PLD5: variants seen among roughly 807,000 people sequenced by gnomAD.
The protein encoded by PLD5 is inactive phospholipase D5.
In PLD5, 36 loss-of-function variants were observed where a neutral mutation model predicts 61.1. The ratio of observed to expected loss-of-function variants is 0.59; its 90% CI spans 0.45 to 0.78. PLD5 has a LOEUF of 0.78. Among genes scored for constraint, PLD5 ranks in the 30% least tolerant of loss-of-function variants. The pLI, the probability that PLD5 is intolerant of heterozygous loss-of-function variation, is 0.00. For missense variants in PLD5, 515 were observed against 644.4 expected (o/e 0.80, Z 2.17); for synonymous variants, 243 against 242.8 (o/e 1.00, Z -0.01).
chr1:242,452,527 A>C (rs1666818811), intron 1 of PLD5, among the ~76,000 whole-genome samples: 1 of 152,134 alleles, frequency 6.6e-6, no homozygotes, highest in Non-Finnish European at 1.5e-5. Context: ...AAAAACGTGG[A>C]CATCCAGGCT....
chr1:242,377,025 A>G, intron 1 of PLD5: 2 of 1,611,712 alleles, frequency 1.2e-6, no homozygotes, highest in Admixed American at 3.3e-5. Flanking sequence ...TTTTGCGCAC[A>G]CTTTGCACTT....
At position 242,112,619 on chromosome 1, in the gene PLD5, CTT is replaced by C. The variant is rs528219354; in HGVS notation, c.1070+1269_1070+1270del. Reference sequence around the variant, plus strand: ...ATGATCATTTTCTGGGGGAAGGACTCTTTTTGTAATCCTATGGTTATTTGCGT... The same window carrying C: ...ATGATCATTTTCTGGGGGAAGGACTCTTTGTAATCCTATGGTTATTTGCGT... On this transcript the variant is annotated intron_variant, in intron 7 of 9. Coordinates refer to ENST00000536534, the MANE Select transcript of PLD5 (RefSeq NM_001372062.1). Among the ~76,000 whole-genome samples, 8 of 152,260 alleles carry C rather than the reference CTT, an allele frequency of 5.3e-5. No individual in the cohort carries two copies. In the East Asian group the frequency reaches 5.8e-4, roughly 11 times the overall value.
At chr1:242,348,804 T>C (rs141409797) in intron 1 of PLD5, among the ~76,000 whole-genome samples, 3,526 of 152,136 alleles carry the variant, frequency 0.023, 76 homozygotes, top group African/African-American at 0.059. Context: ...CCTGTAATCC[T>C]AGCACTTTGG....
At chr1:242,343,599 C>CT (rs1308534845) in intron 2 of PLD5, among the ~76,000 whole-genome samples, 1 of 151,188 alleles carries the variant, frequency 6.6e-6, no homozygotes, top group African/African-American at 2.4e-5. Flanking sequence ...GCCCTCACCT[C>CT]TTTTACCAGG....
Position 242,256,218 on chromosome 1 carries a change from G to A in PLD5, c.607+9119C>T, listed in dbSNP as rs74152307. 0.016 allele frequency among the ~76,000 whole-genome samples: 2,388 copies of A among 152,264 alleles called. 60 individuals are homozygous for A. The highest frequency in any genetic ancestry group is 0.052 in the African/African-American group (2,168 of 41,498). Reference sequence around the variant, plus strand: ...ATGCAGAGGGCTGAGCACTGTCACTGTGACCAAGAGTTCACCCCAAGAGCA... The same window carrying A: ...ATGCAGAGGGCTGAGCACTGTCACTATGACCAAGAGTTCACCCCAAGAGCA... On this transcript the variant is annotated intron_variant, in intron 4 of 9. Coordinates refer to ENST00000536534, the MANE Select transcript of PLD5 (RefSeq NM_001372062.1). The surrounding 1 kb of genome is among the most constrained non-coding windows in gnomAD (Gnocchi z 5.7).
At position 242,207,536 on chromosome 1, in the gene PLD5, C is replaced by T. The variant is rs377623955; in HGVS notation, c.735+12452G>A. ...AAGAAGCTGCTCACAGATCTTCCAA[C>T]ACCCCATGCTTCTTTCTGACTCTGT... On this transcript the variant is annotated intron_variant, in intron 5 of 9. Transcript: ENST00000536534. 4.6e-5 allele frequency among the ~76,000 whole-genome samples: 7 copies of T among 152,052 alleles called. No individual in the cohort carries two copies. The East Asian group carries it at 1.4e-3, about 30-fold the overall frequency.
At chr1:242,238,317 T>C (rs72763006) in intron 4 of PLD5, among the ~76,000 whole-genome samples, 16,648 of 152,208 alleles carry the variant, frequency 0.11, 1,155 homozygotes, top group Non-Finnish European at 0.16. Context: ...ATCTGTGGCA[T>C]GAAACACCTG....
intron 1 of PLD5, among the ~76,000 whole-genome samples, chr1:242,435,763 G>A (rs1014686638): frequency 1.3e-5 from 2 of 152,202 alleles, no homozygotes; most frequent in Non-Finnish European, 2.9e-5. Context: ...TTTATGGAAT[G>A]TAACTGCTAG....
At chr1:242,180,723 G>A (rs1667464954) in intron 5 of PLD5, among the ~76,000 whole-genome samples, 1 of 152,178 alleles carries the variant, frequency 6.6e-6, no homozygotes, top group Non-Finnish European at 1.5e-5. Context: ...GCTCATGCCT[G>A]TAATCCCAGC....
chr1:242,191,283 G>A (rs1033118644), intron 5 of PLD5, among the ~76,000 whole-genome samples: 3 of 152,068 alleles, frequency 2.0e-5, no homozygotes, highest in Non-Finnish European at 2.9e-5. Flanking sequence ...TTAAAAGAAG[G>A]TATTTAAAAG....
intron 4 of PLD5, among the ~76,000 whole-genome samples, chr1:242,236,598 AT>A (rs1671655831): frequency 6.6e-6 from 1 of 152,228 alleles, no homozygotes; most frequent in African/African-American, 2.4e-5. Flanking sequence ...TAAAATTTAA[AT>A]ACTATTAAGA....
intron 1 of PLD5, among the ~76,000 whole-genome samples, chr1:242,521,348 T>C (rs1278428570): frequency 5.3e-5 from 8 of 152,228 alleles, no homozygotes; most frequent in Non-Finnish European, 8.8e-5. Context: ...AAATAAATTA[T>C]TCTCACTTTT....
chr1:242,127,711 C>A (rs1270295623), intron 5 of PLD5, among the ~76,000 whole-genome samples: 1 of 152,114 alleles, frequency 6.6e-6, no homozygotes, highest in Non-Finnish European at 1.5e-5. Context: ...GTTCAATGTA[C>A]ACTGCTTGGG....
intron 1 of PLD5, among the ~76,000 whole-genome samples, chr1:242,390,020 A>AATT (rs67155503): frequency 6.8e-6 from 1 of 147,108 alleles, no homozygotes. Flanking sequence ...TAATAATAAT[A>AATT]ATTATTATTA....
intron 1 of PLD5, among the ~76,000 whole-genome samples, chr1:242,375,553 C>T (rs12141805): frequency 0.052 from 7,931 of 152,128 alleles, 283 homozygotes; most frequent in Middle Eastern, 0.078. Context: ...AGGAACCGAA[C>T]GTTGACTACA....
intron 2 of PLD5, among the ~76,000 whole-genome samples, chr1:242,338,021 C>T (rs1189544505): frequency 6.6e-6 from 1 of 152,114 alleles, no homozygotes; most frequent in Non-Finnish European, 1.5e-5. Flanking sequence ...TGCTGCATTC[C>T]AACCTTGCAA....
chr1:242,182,206 G>C (rs1190289009), intron 5 of PLD5, among the ~76,000 whole-genome samples: 1 of 152,164 alleles, frequency 6.6e-6, no homozygotes, highest in African/African-American at 2.4e-5. Context: ...CTGGGAGCTA[G>C]TGAATCCTCT....
At position 242,524,350 on chromosome 1, in the gene PLD5, G is replaced by T; in HGVS notation, c.-74C>A. On this transcript the variant is annotated 5_prime_UTR_variant, in exon 1 of 10. Coordinates refer to ENST00000536534, the MANE Select transcript of PLD5 (RefSeq NM_001372062.1). ...GCGCGGGGAGCCGGGCGCGGAGGGC[G>T]AGCGGGAGGCCCAGCGGGAGCCGGA... 1.5e-6 allele frequency: 2 copies of T among 1,302,864 alleles called. No individual in the cohort carries two copies. The highest frequency in any genetic ancestry group is 3.1e-5 in the East Asian group (1 of 31,992). The allele number at this position is 1,302,864 out of a possible 1,614,324, so 80.7% of individuals were successfully genotyped here. A position where few individuals can be genotyped will look rare whatever the true frequency, so the allele number is the denominator to read the frequency against.
At chr1:242,409,898 A>G (rs2149287507) in intron 1 of PLD5, among the ~76,000 whole-genome samples, 1 of 152,306 alleles carries the variant, frequency 6.6e-6, no homozygotes, top group South Asian at 2.1e-4. Context: ...GTTTGGGTGG[A>G]CCCAGTTTCT....
Sources: gnomAD v4.1 joint callset for allele counts (sites outside exome capture counted in the v4.1 genomes callset) on GRCh38, gnomAD v4.1.1 for gene constraint, Gnocchi (gnomAD v3.1) non-coding constraint, MANE v1.5 for transcripts, NCBI Gene and HGNC (gene_info 2026-07-23, HGNC 2026-07-21) for gene names.